Variants in MACF1 observed in about 807,000 individuals in gnomAD.
MACF1 encodes microtubule actin crosslinking factor 1.
MACF1 carries 193 observed loss-of-function variants against 854.8 expected under a neutral mutation model. That is an observed-to-expected ratio of 0.23 (90% confidence interval 0.20 to 0.25). The LOEUF (loss-of-function observed/expected upper bound fraction) is 0.25. MACF1 is among the 10% of genes least tolerant of loss of function. The probability of loss-of-function intolerance (pLI) is 1.00; values close to 1 mark genes in which losing one functional copy is unlikely to be tolerated. For synonymous variants in MACF1, 3,185 were observed against 3,226.7 expected, an observed-to-expected ratio of 0.99 and a Z score of 0.44; for missense variants, 7,722 against 8,929.1, an observed-to-expected ratio of 0.86 and a Z score of 5.45.
intron 33 of MACF1, among the ~76,000 whole-genome samples, chr1:39,323,869 T>C (rs1167059620): frequency 6.6e-6 from 1 of 152,244 alleles, no homozygotes; most frequent in Non-Finnish European, 1.5e-5. Flanking sequence ...CCTGTAAACC[T>C]AAGAATTATG....
intron 23 of MACF1, chr1:39,304,623 G>A (rs1393888535): frequency 5.4e-6 from 3 of 560,696 alleles, no homozygotes; most frequent in Non-Finnish European, 9.5e-6. Flanking sequence ...GAGTGCAGTG[G>A]CACTATTTCA....
At chr1:39,250,698 A>G (rs1162899959) in intron 3 of MACF1, among the ~76,000 whole-genome samples, 1 of 146,214 alleles carries the variant, frequency 6.8e-6, no homozygotes, top group Non-Finnish European at 1.5e-5. Context: ...CTCCTTGATT[A>G]ATTAATATGC....
At position 39,427,618 on chromosome 1, in the gene MACF1, G is replaced by A. The variant is rs1056601828; in HGVS notation, c.16476+4G>A. 1 of 1,611,190 alleles carries A rather than the reference G, an allele frequency of 6.2e-7. No homozygotes were observed. Among genetic ancestry groups the A allele is most frequent in the Non-Finnish European group, 8.5e-7 (1 of 1,179,080 alleles). ...GCAGCAGATCATTCGGCACAAGGTA[G>A]GGAGTGGTTACAGTAAATGAAAATA... is the stretch of plus-strand genomic sequence containing the variant. On this transcript the variant is annotated splice_donor_region_variant and intron_variant, in intron 62 of 100. Transcript: ENST00000564288.
intron 2 of MACF1, among the ~76,000 whole-genome samples, chr1:39,165,074 C>T (rs1394240518): frequency 2.0e-5 from 3 of 152,168 alleles, no homozygotes; most frequent in Non-Finnish European, 2.9e-5. Flanking sequence ...AGCTGGAGAA[C>T]TGAAAGAAGG....
At chr1:39,461,350 G>C (rs1644548165) in intron 92 of MACF1, among the ~76,000 whole-genome samples, 1 of 152,162 alleles carries the variant, frequency 6.6e-6, no homozygotes, top group South Asian at 2.1e-4. Flanking sequence ...AGGACTGTGG[G>C]TGGTTGTAAT....
At chr1:39,189,274 G>A (rs1466740320) in intron 2 of MACF1, among the ~76,000 whole-genome samples, 2 of 152,198 alleles carry the variant, frequency 1.3e-5, no homozygotes, top group African/African-American at 2.4e-5. Context: ...TTAGCAGAGA[G>A]AAAGAAAGCT....
chr1:39,165,124 A>G (rs1488221697), intron 2 of MACF1, among the ~76,000 whole-genome samples: 11 of 152,212 alleles, frequency 7.2e-5, no homozygotes, highest in Admixed American at 7.2e-4. Context: ...CCAATAAGAA[A>G]GTCTCTGCAG....
intron 2 of MACF1, among the ~76,000 whole-genome samples, chr1:39,190,064 T>C (rs1014496009): frequency 2.6e-5 from 4 of 152,212 alleles, no homozygotes; most frequent in African/African-American, 9.6e-5. Flanking sequence ...AGAACAGAAC[T>C]GGACCTATAA....
rs1008484978 is a variant in MACF1, at chr1:39,183,579, G to C, written c.221-47603G>C. On this transcript the variant is annotated intron_variant, in intron 2 of 93. Coordinates refer to the MACF1 transcript ENST00000361689. ...ATCATTTTTTTGCAGGAGAATACAT[G>C]ATGGCACTTTATATCAGGAAGCGAA... Among the ~76,000 whole-genome samples, 75 of 152,188 alleles carry C rather than the reference G, an allele frequency of 4.9e-4. 1 individual carries two copies. Among genetic ancestry groups the C allele is most frequent in the Admixed American group, 4.6e-4 (7 of 15,276 alleles).
At chr1:39,319,431 G>A (rs1384770088) in intron 30 of MACF1, among the ~76,000 whole-genome samples, 1 of 152,110 alleles carries the variant, frequency 6.6e-6, no homozygotes, top group Non-Finnish European at 1.5e-5. Context: ...TTAAGAAAGC[G>A]AGAACTTGTT....
chr1:39,247,167 A>G (rs1644991223), intron 2 of MACF1, among the ~76,000 whole-genome samples: 1 of 134,460 alleles, frequency 7.4e-6, no homozygotes, highest in Non-Finnish European at 1.6e-5. Flanking sequence ...CCGCCTCCCG[A>G]GTTCACGCCA....
intron 2 of MACF1, chr1:39,154,425 A>G (rs1350916400): frequency 6.6e-6 from 1 of 152,184 alleles, no homozygotes; most frequent in Non-Finnish European, 1.5e-5. Context: ...GAATGATTGA[A>G]TGAATTCCTT....
Position 39,332,596 on chromosome 1 carries a change from C to T in MACF1, c.6008C>T (p.Pro2003Leu). The T allele has an allele frequency of 6.2e-7, 1 of 1,614,066 alleles. No homozygotes were observed. The highest frequency in any genetic ancestry group is 8.5e-7 in the Non-Finnish European group (1 of 1,180,016). ...TSRDEYQTSP[P>L]KVVEIGHQRQ... ...AGAGATGAGTATCAAACAAGTCCTC[C>T]AAAAGTGGTTGAAATTGGGCATCAA... is the stretch of plus-strand genomic sequence containing the variant. The change falls in exon 37 of 101, where the codon CCA becomes CTA. Residue 2003 changes from proline to leucine, a missense_variant. By Grantham distance (98) the Pro-to-Leu change is moderately conservative (BLOSUM62 -3). This residue lies in a region of MACF1 where 1,531 missense variants were observed against 1,601.6 expected (regional missense o/e 0.96). Transcript: ENST00000564288.
rs751596537 is a variant in MACF1, at chr1:39,412,365, A to G, written c.15817-10009A>G. ...ATCAAGAAAATAACAGTCTGACATC[A>G]ATGGGAAATGTGGTCACTTGTGAAT... On this transcript the variant is annotated intron_variant, in intron 58 of 100. Transcript: ENST00000564288. 2.5e-6 allele frequency: 4 copies of G among 1,614,060 alleles called. No homozygotes were observed. The South Asian group carries it at 4.4e-5, about 18-fold the overall frequency.
chr1:39,156,534 G>T (rs754621284), intron 2 of MACF1, among the ~76,000 whole-genome samples: 6 of 152,140 alleles, frequency 3.9e-5, no homozygotes, highest in Non-Finnish European at 7.3e-5. Flanking sequence ...TGGGAGTATC[G>T]CTTGAGCCTG....
rs1642064010 is a variant in MACF1 at position 39,392,255 on chromosome 1, C to T, written c.15816+3597C>T. Among the ~76,000 whole-genome samples the T allele has an allele frequency of 2.0e-5, 3 of 152,256 alleles. No homozygotes were observed. The South Asian group carries it at 6.2e-4, about 32-fold the overall frequency. ...ATGAGAGGAGAAAAATTCTGTGTGTCAGTTCCATAGTCCCCAGGAGGCCGC... is the reference window on the plus strand; with the variant it reads ...ATGAGAGGAGAAAAATTCTGTGTGTTAGTTCCATAGTCCCCAGGAGGCCGC... On this transcript the variant is annotated intron_variant, in intron 58 of 100. Coordinates refer to ENST00000564288, the MANE Select transcript of MACF1 (RefSeq NM_001394062.1).
intron 1 of MACF1, among the ~76,000 whole-genome samples, chr1:39,208,524 G>A (rs1193674052): frequency 1.3e-5 from 2 of 152,054 alleles, no homozygotes; most frequent in Non-Finnish European, 2.9e-5. Flanking sequence ...TACGATGTTG[G>A]TTCACTGCAA....
rs55976345 is a variant in MACF1 at position 39,413,740 on chromosome 1, G to C, written c.15817-8634G>C. 0.014 allele frequency: 16,662 copies of C among 1,220,936 alleles called. 253 individuals are homozygous for C. The highest frequency in any genetic ancestry group is 0.021 in the Middle Eastern group (87 of 4,048). 75.6% of individuals were successfully genotyped at this position (1,220,936 alleles called of 1,614,324 possible). On this transcript the variant is annotated intron_variant, in intron 58 of 100. Transcript: ENST00000564288. ...GCCCACCCCAGAGGAATCCGCCTCC[G>C]CAGCTGTTGCAGTGCCCACCCCCGA...
At chr1:39,248,714 C>T (rs1209132095) in intron 2 of MACF1, among the ~76,000 whole-genome samples, 1 of 152,098 alleles carries the variant, frequency 6.6e-6, no homozygotes, top group Non-Finnish European at 1.5e-5. Context: ...CAAGTCTTCC[C>T]ATTCTGTGTT....
Sources: allele counts gnomAD v4.1 joint callset (sites outside exome capture counted in the v4.1 genomes callset), GRCh38; gene constraint gnomAD v4.1.1; regional missense constraint gnomAD v4.1.1; transcripts MANE v1.5; gene names NCBI Gene and HGNC (gene_info 2026-07-23, HGNC 2026-07-21).